ARHGEF12: variants seen among roughly 807,000 people sequenced by gnomAD.
The protein encoded by ARHGEF12 is KMT2A/ARHGEF12 fusion protein.
A neutral mutation model predicts 211.2 loss-of-function variants in ARHGEF12; 66 were observed. That is an observed-to-expected ratio of 0.31 (90% CI 0.26 to 0.38). The LOEUF is 0.38. Among genes scored for constraint, ARHGEF12 ranks in the 10% least tolerant of loss-of-function variants. The pLI, the probability that ARHGEF12 is intolerant of heterozygous loss-of-function variation, is 1.00. For missense variants in ARHGEF12, 1,429 were observed against 1,869.5 expected, an observed-to-expected ratio of 0.76 and a Z score of 4.34; for synonymous variants, 592 against 638.4, an observed-to-expected ratio of 0.93 and a Z score of 1.09.
At chr11:120,397,927 T>C (rs1001570772) in intron 1 of ARHGEF12, among the ~76,000 whole-genome samples, 5 of 152,230 alleles carry the variant, frequency 3.3e-5, no homozygotes, top group Admixed American at 3.3e-4. Context: ...AGAATGGGAA[T>C]ATATGCATAA....
intron 1 of ARHGEF12, among the ~76,000 whole-genome samples, chr11:120,342,882 C>T (rs183123082): frequency 1.3e-5 from 2 of 152,256 alleles, no homozygotes; most frequent in East Asian, 1.9e-4. Flanking sequence ...GATGGAAAAT[C>T]ATCTTGTTGC....
chr11:120,378,634 T>C (rs1304539523), intron 1 of ARHGEF12, among the ~76,000 whole-genome samples: 1 of 152,240 alleles, frequency 6.6e-6, no homozygotes, highest in Non-Finnish European at 1.5e-5. Context: ...GGCCTATGAT[T>C]CATATCAAGT....
rs1030491231 is a variant in ARHGEF12 at position 120,337,196 on chromosome 11, T to C, written c.-48T>C. 4 of 1,613,230 alleles carry C rather than the reference T, an allele frequency of 2.5e-6. No individual in the cohort carries two copies. Among genetic ancestry groups the C allele is most frequent in the Non-Finnish European group, 2.5e-6 (3 of 1,179,320 alleles). On this transcript the variant is annotated 5_prime_UTR_variant, in exon 1 of 41. Transcript: ENST00000397843. The stretch of plus-strand genomic sequence containing the variant: ...ACTGGGGGTGGGGAGGAGGTGTTAC[T>C]GTAAAATGCAAGTTGGATAAAAGGA...
chr11:120,469,396 A>G lies in ARHGEF12; in HGVS notation c.2955+8A>G. 1 of 1,597,682 alleles carries G rather than the reference A, an allele frequency of 6.3e-7. No individual in the cohort carries two copies. Among genetic ancestry groups the G allele is most frequent in the Non-Finnish European group, 8.6e-7 (1 of 1,167,506 alleles). On this transcript the variant is annotated splice_region_variant and intron_variant, in intron 30 of 40. Coordinates refer to ENST00000397843, the MANE Select transcript of ARHGEF12 (RefSeq NM_015313.3). ...GAGGCAGAAAACAAGCAGGTAAAAA[A>G]GGAAAACAAGAAGGTACAGGATGAC...
Position 120,367,353 on chromosome 11 carries a change from C to CTTTTTTTTTTTTTTTTTTTTTTTTTTT in ARHGEF12, c.32+30082_32+30108dup, listed in dbSNP as rs1025919456. Among the ~76,000 whole-genome samples, 11 of 59,352 alleles carry CTTTTTTTTTTTTTTTTTTTTTTTTTTT rather than the reference C, an allele frequency of 1.9e-4. 3 individuals carry two copies. Among genetic ancestry groups the CTTTTTTTTTTTTTTTTTTTTTTTTTTT allele is most frequent in the East Asian group, 1.5e-3 (3 of 2,034 alleles). The allele number at this position is 59,352 out of a possible 152,430, so 38.9% of individuals were successfully genotyped here. ...AAAAAATCTGTTAGGATACTTTTTC[C>CTTTTTTTTTTTTTTTTTTTTTTTTTTT]TTTTTTTTTTTTTTTTTTTTTTTTT... On this transcript the variant is annotated intron_variant, in intron 1 of 40. Transcript: ENST00000397843.
intron 1 of ARHGEF12, among the ~76,000 whole-genome samples, chr11:120,348,830 A>G (rs1381351901): frequency 2.6e-5 from 4 of 152,176 alleles, no homozygotes. Flanking sequence ...AACAAGAGCA[A>G]AACACCGTCT....
chr11:120,481,380 A>G lies in ARHGEF12; in HGVS notation c.4358A>G (p.Gln1453Arg). 2 of 1,614,186 alleles carry G rather than the reference A, an allele frequency of 1.2e-6. No homozygotes were observed. Among genetic ancestry groups the G allele is most frequent in the Non-Finnish European group, 1.7e-6 (2 of 1,180,030 alleles). Residue 1453 changes from glutamine to arginine, a missense_variant, in exon 39 of 41, where the codon CAG becomes CGG. Transcript: ENST00000397843. ...TGIPAVESTH[Q>R]QQHSPQNTHS... ...ATCCCTGCTGTGGAATCCACCCACC[A>G]GCAGCAACATTCTCCTCAGAATACT...
chr11:120,366,877 G>A (rs188160696), intron 1 of ARHGEF12, among the ~76,000 whole-genome samples: 44 of 152,262 alleles, frequency 2.9e-4, no homozygotes, highest in African/African-American at 1.0e-3. Context: ...TTAGCTGGGC[G>A]TGGTGGCACA....
chr11:120,427,425 A>T (rs762915363), intron 7 of ARHGEF12, among the ~76,000 whole-genome samples: 11 of 152,144 alleles, frequency 7.2e-5, no homozygotes, highest in African/African-American at 9.7e-5. Flanking sequence ...GATCTAGGCC[A>T]GGTGCTGTGT....
chr11:120,417,228 A>G (rs1184062943), intron 4 of ARHGEF12, among the ~76,000 whole-genome samples: 2 of 152,138 alleles, frequency 1.3e-5, no homozygotes. Context: ...AAAAAGGTCT[A>G]TTTAAGAAGC....
chr11:120,470,549 A>G (rs551846078), intron 30 of ARHGEF12, among the ~76,000 whole-genome samples: 2 of 152,314 alleles, frequency 1.3e-5, no homozygotes, highest in East Asian at 3.9e-4. Context: ...TAAGAGGACC[A>G]TGTTGAAGAT....
chr11:120,485,218 A>ACTC lies in ARHGEF12; in HGVS notation c.*141_*142insCTC. 1 of 1,042,284 alleles carries ACTC rather than the reference A, an allele frequency of 9.6e-7. No homozygotes were observed. The highest frequency in any genetic ancestry group is 1.4e-6 in the Non-Finnish European group (1 of 693,854). 64.6% of individuals were successfully genotyped at this position (1,042,284 alleles called of 1,614,324 possible). On this transcript the variant is annotated 3_prime_UTR_variant, in exon 41 of 41. Transcript: ENST00000397843. ...AACCACCTGGGATTAGTCAAGTCCCAAGGTGCCCAGAGTGGGACTAGTTCT... is the reference window on the plus strand; with the variant it reads ...AACCACCTGGGATTAGTCAAGTCCCACTCAGGTGCCCAGAGTGGGACTAGTTCT...
chr11:120,356,825 A>G (rs1261057063), intron 1 of ARHGEF12, among the ~76,000 whole-genome samples: 2 of 152,174 alleles, frequency 1.3e-5, no homozygotes, highest in Non-Finnish European at 2.9e-5. Flanking sequence ...CTCTCCATGC[A>G]AAATACATGT....
intron 1 of ARHGEF12, chr11:120,337,483 C>T (rs917265245): frequency 2.2e-5 from 22 of 985,252 alleles, no homozygotes; most frequent in African/African-American, 5.2e-5. Flanking sequence ...GAGAAACTTC[C>T]CTTCCGATTC....
At chr11:120,466,642 C>T (rs1946713536) in intron 28 of ARHGEF12, among the ~76,000 whole-genome samples, 1 of 152,212 alleles carries the variant, frequency 6.6e-6, no homozygotes, top group Non-Finnish European at 1.5e-5. Flanking sequence ...TTCTTTACTA[C>T]ACAGAGCCTT....
chr11:120,453,015 A>AC (rs1411886281), intron 22 of ARHGEF12, among the ~76,000 whole-genome samples: 2 of 142,308 alleles, frequency 1.4e-5, no homozygotes, highest in African/African-American at 5.1e-5. Flanking sequence ...ACAAAAACAA[A>AC]AACAAAAAAA....
intron 12 of ARHGEF12, 182 bp from the exon 13 acceptor site, chr11:120,439,947 G>T: frequency 1.9e-6 from 1 of 529,506 alleles, no homozygotes; most frequent in Non-Finnish European, 3.3e-6. Context: ...CTCTGCCAGA[G>T]TGGTACATGG....
chr11:120,395,160 C>T (rs1230679933), intron 1 of ARHGEF12, among the ~76,000 whole-genome samples: 1 of 150,052 alleles, frequency 6.7e-6, no homozygotes, highest in Non-Finnish European at 1.5e-5. Flanking sequence ...TTTATAAATT[C>T]CAACAATATA....
rs903930613 is a variant in ARHGEF12 at position 120,487,911 on chromosome 11, T to A, written c.*2834T>A. 1 of 220,380 alleles carries A rather than the reference T, an allele frequency of 4.5e-6. No homozygotes were observed. The highest frequency in any genetic ancestry group is 9.1e-6 in the Non-Finnish European group (1 of 110,058). 13.7% of individuals were successfully genotyped at this position (220,380 alleles called of 1,614,324 possible). A position where few individuals can be genotyped will look rare whatever the true frequency, so the allele number is the denominator to read the frequency against. On this transcript the variant is annotated 3_prime_UTR_variant, in exon 41 of 41. Coordinates refer to ENST00000397843, the MANE Select transcript of ARHGEF12 (RefSeq NM_015313.3). ...GCTATATATTTTGCATACTTTAAAA[T>A]CACCTAACTTGGACTGCTTGAATTA...
Sources: allele counts gnomAD v4.1 joint callset (sites outside exome capture counted in the v4.1 genomes callset), GRCh38; gene constraint gnomAD v4.1.1; transcripts MANE v1.5; gene names NCBI Gene and HGNC (gene_info 2026-07-23, HGNC 2026-07-21).